The following WASHC2C variants were observed in gnomAD, a reference collection of about 807,000 sequenced individuals.
The protein encoded by WASHC2C is Vaccinia Penetration Factor.
Under a neutral mutation model 142.2 loss-of-function variants are expected in WASHC2C, and 73 were observed. The observed-to-expected ratio is 0.51, with a 90% CI of 0.43 to 0.62. The LOEUF is 0.62. Among genes scored for constraint, WASHC2C ranks in the 20% least tolerant of loss-of-function variants. The pLI is 0.00. For synonymous variants in WASHC2C, 337 were observed against 565.5 expected, an observed-to-expected ratio of 0.60 and a Z score of 5.73; for missense variants, 969 against 1,531.7, an observed-to-expected ratio of 0.63 and a Z score of 6.13.
At chr10:45,759,494 G>C in intron 17 of WASHC2C, 93 bp downstream of exon 17, 1 of 1,353,876 alleles carries the variant, frequency 7.4e-7, no homozygotes, top group South Asian at 1.3e-5. Flanking sequence ...AGAGTTATAA[G>C]ACTTTTTGTT....
At chr10:45,766,769 G>T (rs1374388200) in intron 19 of WASHC2C, among the ~76,000 whole-genome samples, 2 of 151,434 alleles carry the variant, frequency 1.3e-5, no homozygotes, top group South Asian at 2.1e-4. Context: ...ATCAGATTTA[G>T]CTGTGCAGAA....
At chr10:45,773,797 A>G (rs1381427130) in intron 21 of WASHC2C, among the ~76,000 whole-genome samples, 18 of 151,950 alleles carry the variant, frequency 1.2e-4, no homozygotes, top group Non-Finnish European at 2.2e-4. Flanking sequence ...AGAAATGGTC[A>G]CACAGGTCCT....
intron 21 of WASHC2C, 140 bp downstream of exon 21, chr10:45,773,498 A>G: frequency 9.9e-7 from 1 of 1,009,662 alleles, no homozygotes. Flanking sequence ...TTTCAGAAAG[A>G]GATCTTCTGA....
chr10:45,769,413 T>C (rs1554883746), intron 19 of WASHC2C, 36 bp from the exon 20 acceptor site: 12 of 1,584,202 alleles, frequency 7.6e-6, no homozygotes, highest in Non-Finnish European at 1.0e-5. Flanking sequence ...CCACTGCGCC[T>C]GGCCTGGAGT....
At position 45,784,293 on chromosome 10, in the gene WASHC2C, CATAT is replaced by C. The variant is rs1286811903; in HGVS notation, c.2479-256_2479-253del. On this transcript the variant is annotated intron_variant, in intron 23 of 30. Transcript: ENST00000623400. ...ATATATATATATATATATATATACA[CATAT>C]ATATATATATATATACACACACATA... Among the ~76,000 whole-genome samples the C allele has an allele frequency of 3.1e-5, 2 of 63,660 alleles. 1 individual carries two copies. Among genetic ancestry groups the C allele is most frequent in the Non-Finnish European group, 6.2e-5 (2 of 32,240 alleles). The allele number at this position is 63,660 out of a possible 152,430, so 41.8% of individuals were successfully genotyped here.
Position 45,750,758 on chromosome 10 carries a change from G to A in WASHC2C, c.851G>A (p.Ser284Asn), listed in dbSNP as rs782203518. The A allele has an allele frequency of 1.1e-5, 17 of 1,548,200 alleles. No homozygotes were observed. In the Middle Eastern group the frequency reaches 6.8e-4, roughly 62 times the overall value. ...TGATTTCTCCTGCTGTAGAAAAGAA[G>A]CAGACCTACATCGTTTGCAGATGAG... ...DIEENTRPKR[S>N]RPTSFADELA... The change falls in exon 10 of 31, where the codon AGC becomes AAC. Residue 284 changes from serine to asparagine, a missense_variant. Physicochemically the swap from Ser to Asn is conservative, Grantham distance 46. Coordinates refer to ENST00000623400, the MANE Select transcript of WASHC2C (RefSeq NM_001330074.2).
At chr10:45,762,255 T>C (rs2055200990) in intron 17 of WASHC2C, among the ~76,000 whole-genome samples, 2 of 152,076 alleles carry the variant, frequency 1.3e-5, no homozygotes, top group African/African-American at 4.8e-5. Flanking sequence ...TCTTTTTGCC[T>C]AGGCTGGAGT....
intron 20 of WASHC2C, among the ~76,000 whole-genome samples, chr10:45,770,009 G>T (rs1185332258): frequency 1.3e-5 from 2 of 151,532 alleles, no homozygotes; most frequent in African/African-American, 4.9e-5. Context: ...GGGAGGCCGA[G>T]GTGGGCAGAT....
rs1168283573 is a variant in WASHC2C, at chr10:45,749,825, CAA to C, written c.733-260_733-259del. On this transcript the variant is annotated intron_variant, in intron 8 of 30. Transcript: ENST00000623400. ...TGGGCCACAGAGCAAGACTCCATCT[CAA>C]AAAAAAAAAATATATATATATATAT... 3.9e-4 allele frequency among the ~76,000 whole-genome samples: 30 copies of C among 77,210 alleles called. 2 individuals carry two copies. The South Asian group carries it at 8.4e-3, about 22-fold the overall frequency. 50.7% of individuals were successfully genotyped at this position (77,210 alleles called of 152,430 possible).
rs1239542793 is a variant in WASHC2C at position 45,786,548 on chromosome 10, G to T, written c.2812-64G>T. On this transcript the variant is annotated intron_variant, in intron 26 of 30. Coordinates refer to ENST00000623400, the MANE Select transcript of WASHC2C (RefSeq NM_001330074.2). ...TGCTCCATCACAGATTTATTTACAG[G>T]CATAAGAAACACTTGTCTTTCTGTT... 2.5e-6 allele frequency: 4 copies of T among 1,574,202 alleles called. No individual in the cohort carries two copies. The East Asian group carries it at 6.7e-5, about 26-fold the overall frequency.
Position 45,789,082 on chromosome 10 carries a change from C to T in WASHC2C, c.3299C>T (p.Ala1100Val), listed in dbSNP as rs2058248047. 4.0e-5 allele frequency: 64 copies of T among 1,611,964 alleles called. No homozygotes were observed. Among genetic ancestry groups the T allele is most frequent in the Non-Finnish European group, 5.3e-5 (63 of 1,179,878 alleles). The change falls in exon 29 of 31, where the codon GCT (alanine) becomes GTT (valine). Residue 1100 changes from alanine to valine, a missense_variant. Coordinates refer to ENST00000623400, the MANE Select transcript of WASHC2C (RefSeq NM_001330074.2). ...DSTEEALAAA[A>V]APWEGGPVPG... ...ACTGAGGAGGCCCTGGCAGCTGCCGCTGCACCTTGGGAAGGTGGTCCTGTG... is the reference window on the plus strand; with the variant it reads ...ACTGAGGAGGCCCTGGCAGCTGCCGTTGCACCTTGGGAAGGTGGTCCTGTG...
intron 23 of WASHC2C, among the ~76,000 whole-genome samples, chr10:45,781,654 C>T (rs2057511852): frequency 6.7e-6 from 1 of 148,286 alleles, no homozygotes; most frequent in Admixed American, 6.8e-5. Context: ...TGAAGTTGGA[C>T]CCATTAATAA....
chr10:45,727,454 C>T lies in WASHC2C; in HGVS notation c.41C>T (p.Ala14Val), dbSNP rs1473466871. 8 of 1,610,788 alleles carry T rather than the reference C, an allele frequency of 5.0e-6. No homozygotes were observed. Among genetic ancestry groups the T allele is most frequent in the Non-Finnish European group, 6.8e-6 (8 of 1,179,310 alleles). ...RTTPDQELVP[A>V]SEPVWERPWS... ...ACCCCCGACCAGGAGCTGGTGCCGGCGTCGGAGCCCGTGTGGGAGCGGCCG... is the reference window on the plus strand; with the variant it reads ...ACCCCCGACCAGGAGCTGGTGCCGGTGTCGGAGCCCGTGTGGGAGCGGCCG... The change falls in exon 2 of 31, where the codon GCG becomes GTG. Residue 14 changes from alanine to valine, a missense_variant. Coordinates refer to ENST00000623400, the MANE Select transcript of WASHC2C (RefSeq NM_001330074.2).
chr10:45,772,413 C>T (rs150100743), intron 20 of WASHC2C, among the ~76,000 whole-genome samples: 86 of 152,328 alleles, frequency 5.6e-4, no homozygotes, highest in African/African-American at 1.9e-3. Flanking sequence ...TTGAAGTGTA[C>T]GCACTTTAAA....
At chr10:45,766,315 G>C (rs1244669827) in intron 19 of WASHC2C, among the ~76,000 whole-genome samples, 2 of 152,162 alleles carry the variant, frequency 1.3e-5, no homozygotes, top group African/African-American at 4.8e-5. Flanking sequence ...GAATAAGCTG[G>C]GGGGAGCTCA....
rs373605562 is a variant in WASHC2C at position 45,728,967 on chromosome 10, C to T, written c.232C>T (p.Arg78Cys). The T allele has an allele frequency of 9.3e-6, 15 of 1,613,840 alleles. No individual in the cohort carries two copies. Among genetic ancestry groups the T allele is most frequent in the East Asian group, 4.5e-5 (2 of 44,892 alleles). The stretch of plus-strand genomic sequence containing the variant: ...CCGGGAAACCAAAGCCACAGATTGT[C>T]GCCTGCATAATGTCTTCAATGACTT... ...LIRETKATDC[R>C]LHNVFNDFLM... The change falls in exon 3 of 31, where the codon CGC becomes TGC. Residue 78 changes from arginine to cysteine, a missense_variant. Coordinates refer to ENST00000623400, the MANE Select transcript of WASHC2C (RefSeq NM_001330074.2).
intron 3 of WASHC2C, among the ~76,000 whole-genome samples, chr10:45,730,322 G>A (rs2050400780): frequency 6.8e-6 from 1 of 145,996 alleles, no homozygotes; most frequent in South Asian, 2.2e-4. Context: ...ACTCCAGCCT[G>A]GGCAATAAGA....
chr10:45,769,373 CT>C, intron 19 of WASHC2C, 75 bp from the exon 20 acceptor site: 1 of 1,485,076 alleles, frequency 6.7e-7, no homozygotes. Context: ...CCGCCTCGGC[CT>C]CCCAAAGTGC....
Position 45,743,470 on chromosome 10 carries a change from G to A in WASHC2C, c.609G>A (p.Glu203=), listed in dbSNP as rs781924605. The stretch of plus-strand genomic sequence containing the variant: ...AACAAGAAGATGTAGGTCTTGGAGA[G>A]CTGTCCAGTGAAGGTACTTTTCTTC... The part of the protein sequence containing the change: ...FMEQEDVGLG[E]LSSEEGSVGS... The change falls in exon 6 of 31, where the codon GAG becomes GAA. Residue 203 remains glutamate, a synonymous_variant. Coordinates refer to ENST00000623400, the MANE Select transcript of WASHC2C (RefSeq NM_001330074.2). 53 of 1,611,760 alleles carry A rather than the reference G, an allele frequency of 3.3e-5. No individual in the cohort carries two copies. Among genetic ancestry groups the A allele is most frequent in the Non-Finnish European group, 4.4e-5 (52 of 1,179,850 alleles).
Sources: gnomAD v4.1 joint callset for allele counts (sites outside exome capture counted in the v4.1 genomes callset) on GRCh38, gnomAD v4.1.1 for gene constraint, MANE v1.5 for transcripts, NCBI Gene and HGNC (gene_info 2026-07-23, HGNC 2026-07-21) for gene names.